Variants in UNC79 observed in about 807,000 individuals in gnomAD.
The protein encoded by UNC79 is unc-79 subunit of NALCN channel complex.
In UNC79, 37 loss-of-function variants were observed where a neutral mutation model predicts 283.1. The observed-to-expected ratio is 0.13, with a 90% confidence interval of 0.10 to 0.17. The LOEUF (loss-of-function observed/expected upper bound fraction) is 0.17. UNC79 is among the 10% of genes least tolerant of loss of function. The pLI, the probability that UNC79 is intolerant of heterozygous loss-of-function variation, is 1.00. For missense variants in UNC79, 2,272 were observed against 3,211.1 expected, an observed-to-expected ratio of 0.71 and a Z score of 7.07; for synonymous variants, 1,107 against 1,200.2, an observed-to-expected ratio of 0.92 and a Z score of 1.61.
At chr14:93,680,688 T>C (rs1202289413) in intron 41 of UNC79, among the ~76,000 whole-genome samples, 1 of 152,046 alleles carries the variant, frequency 6.6e-6, no homozygotes, top group Admixed American at 6.6e-5. Context: ...CCCCCCAGGT[T>C]CAAGCGATTC....
chr14:93,597,118 G>C (rs1344745180), intron 23 of UNC79, among the ~76,000 whole-genome samples: 2 of 152,166 alleles, frequency 1.3e-5, no homozygotes, highest in East Asian at 3.8e-4. Flanking sequence ...TTAGATCAAG[G>C]CTGCGTGGGA....
chr14:93,348,919 T>C (rs1361256162), intron 1 of UNC79, among the ~76,000 whole-genome samples: 1 of 152,230 alleles, frequency 6.6e-6, no homozygotes, highest in Admixed American at 6.5e-5. Context: ...TAAATAGAAG[T>C]TGGGCAACCC....
chr14:93,471,756 A>G (rs1227701276), intron 2 of UNC79, among the ~76,000 whole-genome samples: 1 of 151,824 alleles, frequency 6.6e-6, no homozygotes, highest in African/African-American at 2.4e-5. Flanking sequence ...TTTTTTCTCA[A>G]CCTCACCGAA....
intron 40 of UNC79, among the ~76,000 whole-genome samples, chr14:93,664,257 T>C (rs2071919321): frequency 6.6e-6 from 1 of 152,196 alleles, no homozygotes; most frequent in South Asian, 2.1e-4. Context: ...CTTCACTTTC[T>C]AGCAAACTGG....
rs140201851 is a variant in UNC79, at chr14:93,493,874, CAT to C, written c.713-2510_713-2509del. ...GGAAGAGAGAGAAGGGGAAGTGCCA[CAT>C]ATATATATATATATATATATATATA... On this transcript the variant is annotated intron_variant, in intron 5 of 48. Coordinates refer to ENST00000555664, the Ensembl canonical transcript of UNC79. 3.9e-3 allele frequency among the ~76,000 whole-genome samples: 300 copies of C among 76,654 alleles called. 7 individuals carry two copies. The highest frequency in any genetic ancestry group is 9.9e-3 in the African/African-American group (178 of 17,932). 50.3% of individuals were successfully genotyped at this position (76,654 alleles called of 152,430 possible).
chr14:93,582,661 C>A (rs2141782357), intron 20 of UNC79, among the ~76,000 whole-genome samples: 1 of 152,246 alleles, frequency 6.6e-6, no homozygotes, highest in African/African-American at 2.4e-5. Flanking sequence ...CCACTCAGGG[C>A]ATTTGGCTAA....
At chr14:93,351,964 A>G (rs1276184622) in intron 1 of UNC79, among the ~76,000 whole-genome samples, 1 of 152,258 alleles carries the variant, frequency 6.6e-6, no homozygotes, top group Non-Finnish European at 1.5e-5. Context: ...CAGTCTTCAC[A>G]GAAACACCTA....
At chr14:93,623,947 T>C (rs944301263) in intron 30 of UNC79, among the ~76,000 whole-genome samples, 1 of 152,062 alleles carries the variant, frequency 6.6e-6, no homozygotes, top group Non-Finnish European at 1.5e-5. Context: ...TGGAATTGGC[T>C]AGGGATGATT....
intron 16 of UNC79, among the ~76,000 whole-genome samples, chr14:93,574,146 C>T (rs554468745): frequency 3.9e-5 from 6 of 152,366 alleles, no homozygotes; most frequent in Admixed American, 6.5e-5. Context: ...TCAGTTACCC[C>T]GTTGCACAGC....
At chr14:93,400,449 A>G (rs1198212957) in intron 1 of UNC79, among the ~76,000 whole-genome samples, 1 of 152,194 alleles carries the variant, frequency 6.6e-6, no homozygotes, top group Non-Finnish European at 1.5e-5. Flanking sequence ...AAATTAGCAG[A>G]TAAGTGCCAC....
At chr14:93,634,416 T>C (rs1489995567) in intron 31 of UNC79, 105 bp from the exon 34 acceptor site, 2 of 842,506 alleles carry the variant, frequency 2.4e-6, no homozygotes, top group Admixed American at 2.2e-5. Context: ...CCAAAAATTA[T>C]GAATAGCAAA....
At chr14:93,636,579 C>T (rs1182686795) in intron 31 of UNC79, among the ~76,000 whole-genome samples, 2 of 152,218 alleles carry the variant, frequency 1.3e-5, no homozygotes, top group Non-Finnish European at 2.9e-5. Context: ...GATCAGTTCA[C>T]GTCAGCACAC....
upstream of UNC79, among the ~76,000 whole-genome samples, chr14:93,428,302 A>G (rs1468885659): frequency 1.3e-5 from 2 of 152,218 alleles, no homozygotes; most frequent in Non-Finnish European, 2.9e-5. Flanking sequence ...AATGCTGGGA[A>G]AAAGAAGATA....
intron 19 of UNC79, among the ~76,000 whole-genome samples, chr14:93,581,097 T>C (rs930499171): frequency 3.9e-5 from 6 of 152,302 alleles, no homozygotes; most frequent in African/African-American, 1.2e-4. Flanking sequence ...TCACATGTTA[T>C]AGCAGTTTTT....
At chr14:93,667,507 A>G (rs1027474958) in intron 40 of UNC79, among the ~76,000 whole-genome samples, 2 of 152,186 alleles carry the variant, frequency 1.3e-5, no homozygotes, top group African/African-American at 2.4e-5. Flanking sequence ...AAGAAAGAAA[A>G]AGAAGTAACT....
chr14:93,509,698 C>A (rs2140838827), intron 7 of UNC79, among the ~76,000 whole-genome samples: 1 of 152,280 alleles, frequency 6.6e-6, no homozygotes, highest in East Asian at 1.9e-4. Flanking sequence ...AGGCCTTGGG[C>A]AGCTCTGCCC....
At chr14:93,484,098 C>T (rs539700368) in intron 4 of UNC79, among the ~76,000 whole-genome samples, 7 of 152,260 alleles carry the variant, frequency 4.6e-5, no homozygotes, top group African/African-American at 9.6e-5. Flanking sequence ...CTTGAGGAAC[C>T]ACCACACTGT....
chr14:93,614,302 TA>T (rs1451233493), intron 27 of UNC79, among the ~76,000 whole-genome samples: 2 of 13,536 alleles, frequency 1.5e-4, no homozygotes, highest in African/African-American at 7.8e-4. Flanking sequence ...GTTTTATTTT[TA>T]TTTATTTATT....
At chr14:93,542,485 G>C (rs2061424665) in exon 14 of UNC79, 2 of 1,613,888 alleles carry the variant, frequency 1.2e-6, no homozygotes, top group Non-Finnish European at 1.7e-6. Flanking sequence ...TGCACACCCA[G>C]TGAGAACACG....
Sources: gnomAD v4.1 joint callset for allele counts (sites outside exome capture counted in the v4.1 genomes callset) on GRCh38, gnomAD v4.1.1 for gene constraint, MANE v1.5 for transcripts, NCBI Gene and HGNC (gene_info 2026-07-23, HGNC 2026-07-21) for gene names.